The following ERC2 variants were observed in gnomAD, a reference collection of about 807,000 sequenced individuals.
The protein encoded by ERC2 is ERC protein 2.
Under a neutral mutation model 114.8 loss-of-function variants are expected in ERC2, and 42 were observed. That is an observed-to-expected ratio of 0.37 (90% CI 0.29 to 0.47). The LOEUF (loss-of-function observed/expected upper bound fraction) is 0.47. Among genes scored for constraint, ERC2 ranks in the 20% least tolerant of loss-of-function variants. The pLI is 0.99. For missense variants in ERC2, 939 were observed against 1,150.7 expected (o/e 0.82, Z 2.66); for synonymous variants, 454 against 425.5 (o/e 1.07, Z -0.82).
intron 17 of ERC2, among the ~76,000 whole-genome samples, chr3:55,534,871 A>C (rs773189912): frequency 2.0e-5 from 3 of 152,170 alleles, no homozygotes; most frequent in Non-Finnish European, 4.4e-5. Flanking sequence ...ACCCAAACAG[A>C]ACAGTGATGG....
At chr3:55,780,634 G>A (rs1443511439) in intron 14 of ERC2, among the ~76,000 whole-genome samples, 4 of 152,134 alleles carry the variant, frequency 2.6e-5, no homozygotes, top group Non-Finnish European at 5.9e-5. Context: ...TGTCACATAT[G>A]CCAGTCTTTA....
chr3:56,245,920 A>T (rs574323557), intron 3 of ERC2, among the ~76,000 whole-genome samples: 71 of 152,228 alleles, frequency 4.7e-4, no homozygotes, highest in Non-Finnish European at 7.8e-4. Flanking sequence ...ACATGGCAGT[A>T]GATACATACC....
intron 7 of ERC2, among the ~76,000 whole-genome samples, chr3:56,023,181 C>G (rs1264182788): frequency 6.6e-6 from 1 of 152,136 alleles, no homozygotes. Context: ...CTCCTTGACT[C>G]CACATTTGCT....
chr3:55,514,456 AT>A (rs1415999215), intron 17 of ERC2, among the ~76,000 whole-genome samples: 2 of 152,164 alleles, frequency 1.3e-5, no homozygotes, highest in African/African-American at 2.4e-5. Flanking sequence ...AAAAAATAAA[AT>A]TTTTTAAAAA....
chr3:56,465,206 C>T (rs1389189955), intron 1 of ERC2, among the ~76,000 whole-genome samples: 1 of 152,160 alleles, frequency 6.6e-6, no homozygotes, highest in Non-Finnish European at 1.5e-5. Context: ...CAAGACCAGC[C>T]TGGCCAACAT....
At chr3:56,306,172 T>C (rs2056215985) in intron 2 of ERC2, among the ~76,000 whole-genome samples, 1 of 152,136 alleles carries the variant, frequency 6.6e-6, no homozygotes, top group Non-Finnish European at 1.5e-5. Flanking sequence ...ATTGCTACTT[T>C]TGTAGTACAA....
At chr3:56,103,812 C>T (rs1286176453) in intron 6 of ERC2, among the ~76,000 whole-genome samples, 1 of 151,292 alleles carries the variant, frequency 6.6e-6, no homozygotes, top group Non-Finnish European at 1.5e-5. Flanking sequence ...TTTAAAGGGG[C>T]AGGAGGAGAG....
At chr3:55,949,440 A>C (rs1029046021) in intron 13 of ERC2, among the ~76,000 whole-genome samples, 6 of 152,014 alleles carry the variant, frequency 3.9e-5, no homozygotes, top group Admixed American at 6.6e-5. Flanking sequence ...CAAATCAAGC[A>C]TCAATGTAAA....
Position 56,296,238 on chromosome 3 carries a change from C to T in ERC2, c.855G>A (p.Glu285=), listed in dbSNP as rs1409271252. ...KELFLLRKTL[E]EMELRIETQK... Reference sequence around the variant, plus strand: ...GCGTTTCAATTCTCAGCTCCATTTCCTCTAATGTCTTCCTCAAAAGGAACA... The same window carrying T: ...GCGTTTCAATTCTCAGCTCCATTTCTTCTAATGTCTTCCTCAAAAGGAACA... Residue 285 remains glutamate, a synonymous_variant, in exon 3 of 18, where the codon GAG becomes GAA. Coordinates refer to ENST00000288221, the MANE Select transcript of ERC2 (RefSeq NM_015576.3). 2 of 1,613,964 alleles carry T rather than the reference C, an allele frequency of 1.2e-6. No individual in the cohort carries two copies. The highest frequency in any genetic ancestry group is 8.5e-7 in the Non-Finnish European group (1 of 1,179,866).
chr3:55,932,150 G>A (rs1228630518), intron 13 of ERC2, among the ~76,000 whole-genome samples: 1 of 152,112 alleles, frequency 6.6e-6, no homozygotes, highest in Non-Finnish European at 1.5e-5. Context: ...CTTGAAGACA[G>A]ACAGTATGTC....
intron 2 of ERC2, among the ~76,000 whole-genome samples, chr3:56,391,361 T>C (rs1001352116): frequency 3.9e-5 from 6 of 152,178 alleles, no homozygotes; most frequent in Non-Finnish European, 8.8e-5. Flanking sequence ...AAGAACAAAA[T>C]GATACCTGTG....
chr3:55,990,879 G>A (rs552905299), intron 11 of ERC2, among the ~76,000 whole-genome samples: 1 of 152,318 alleles, frequency 6.6e-6, no homozygotes, highest in African/African-American at 2.4e-5. Context: ...GATTGCTTGA[G>A]TCCAGGAATT....
chr3:56,383,252 C>T (rs1035436054), intron 2 of ERC2, among the ~76,000 whole-genome samples: 15 of 152,074 alleles, frequency 9.9e-5, no homozygotes, highest in African/African-American at 3.6e-4. Flanking sequence ...TTAAAACATC[C>T]CATCGCCCTT....
intron 7 of ERC2, among the ~76,000 whole-genome samples, chr3:56,074,462 T>C (rs1395117148): frequency 6.6e-6 from 1 of 152,174 alleles, no homozygotes; most frequent in Non-Finnish European, 1.5e-5. Flanking sequence ...TGACCACATA[T>C]AACCAGAAAT....
In ERC2 at chr3:55,808,701, T is replaced by TTATATATATA. The variant is rs377604698; in HGVS notation, c.2565-73793_2565-73784dup. On this transcript the variant is annotated intron_variant, in intron 14 of 17. Coordinates refer to ENST00000288221, the MANE Select transcript of ERC2 (RefSeq NM_015576.3). ...AATAATATATTATTATACCATAATT[T>TTATATATATA]TATATATATATATATATATATATAT... Among the ~76,000 whole-genome samples the TTATATATATA allele has an allele frequency of 7.5e-3, 461 of 61,580 alleles. 3 individuals carry two copies. The highest frequency in any genetic ancestry group is 0.016 in the East Asian group (25 of 1,536). 40.4% of individuals were successfully genotyped at this position (61,580 alleles called of 152,430 possible).
intron 17 of ERC2, among the ~76,000 whole-genome samples, chr3:55,588,894 G>A (rs1306416735): frequency 1.3e-5 from 2 of 152,068 alleles, no homozygotes; most frequent in Admixed American, 6.5e-5. Flanking sequence ...GGGAACACTC[G>A]AGGAAGGCCG....
intron 12 of ERC2, among the ~76,000 whole-genome samples, chr3:55,954,101 A>T (rs933023025): frequency 3.4e-5 from 5 of 148,516 alleles, no homozygotes; most frequent in Non-Finnish European, 7.5e-5. Flanking sequence ...AAAAAAAAAA[A>T]AAAAAAAAAA....
intron 6 of ERC2, among the ~76,000 whole-genome samples, chr3:56,113,828 A>G (rs2079089804): frequency 6.6e-6 from 1 of 152,204 alleles, no homozygotes; most frequent in Non-Finnish European, 1.5e-5. Flanking sequence ...GGGTTCCCGT[A>G]ATCCCCTCCT....
intron 17 of ERC2, among the ~76,000 whole-genome samples, chr3:55,677,016 T>G (rs1489673116): frequency 1.3e-5 from 2 of 152,204 alleles, no homozygotes; most frequent in Admixed American, 6.5e-5. Flanking sequence ...ACTTATTTAC[T>G]GCCCTCCAAT....
Sources: allele counts gnomAD v4.1 joint callset (sites outside exome capture counted in the v4.1 genomes callset), GRCh38; gene constraint gnomAD v4.1.1; transcripts MANE v1.5; gene names NCBI Gene and HGNC (gene_info 2026-07-23, HGNC 2026-07-21).